Variants in MAST2 observed in about 807,000 individuals in gnomAD.
MAST2 encodes the protein microtubule associated serine/threonine kinase 2, also known as microtubule-associated serine/threonine-protein kinase 2.
Under a neutral mutation model 147.4 loss-of-function variants are expected in MAST2, and 70 were observed. That is an observed-to-expected ratio of 0.47 (90% CI 0.39 to 0.58). MAST2 has a LOEUF of 0.58. Among genes scored for constraint, MAST2 ranks in the 20% least tolerant of loss-of-function variants. MAST2 has a pLI of 0.00. For missense variants in MAST2, 2,080 were observed against 2,302.3 expected, an observed-to-expected ratio of 0.90 and a Z score of 1.98; for synonymous variants, 869 against 896.8, an observed-to-expected ratio of 0.97 and a Z score of 0.55.
chr1:45,914,995 C>T (rs1313606475), intron 4 of MAST2, among the ~76,000 whole-genome samples: 1 of 152,182 alleles, frequency 6.6e-6, no homozygotes, highest in Non-Finnish European at 1.5e-5. Flanking sequence ...GGCGGGAGGG[C>T]AGTGGTGCTA....
chr1:45,859,181 G>A lies in MAST2; in HGVS notation c.469-23183G>A, dbSNP rs527820720. On this transcript the variant is annotated intron_variant, in intron 3 of 28. Transcript: ENST00000361297. The stretch of plus-strand genomic sequence containing the variant: ...GGTATCTCGGCTCACTGCAACCTCC[G>A]CCTCCTGGGTTCAAGTGATTCAGCT... Among the ~76,000 whole-genome samples the A allele has an allele frequency of 9.9e-5, 15 of 152,168 alleles. No individual in the cohort carries two copies. In the South Asian group the frequency reaches 2.3e-3, roughly 23 times the overall value.
At chr1:45,957,995 G>A (rs1366497705) in intron 4 of MAST2, among the ~76,000 whole-genome samples, 1 of 152,116 alleles carries the variant, frequency 6.6e-6, no homozygotes, top group African/African-American at 2.4e-5. Context: ...AGAAATTGGG[G>A]ATATAGGCAG....
Position 46,023,501 on chromosome 1 carries a change from C to G in MAST2, c.1571+183C>G. The G allele has an allele frequency of 3.1e-6, 2 of 640,182 alleles. No homozygotes were observed. The highest frequency in any genetic ancestry group is 3.8e-5 in the South Asian group (2 of 52,102). 39.7% of individuals were successfully genotyped at this position (640,182 alleles called of 1,614,324 possible). On this transcript the variant is annotated intron_variant, in intron 14 of 28. Coordinates refer to ENST00000361297, the MANE Select transcript of MAST2 (RefSeq NM_015112.3). The surrounding 1 kb of genome is among the most constrained non-coding windows in gnomAD (Gnocchi z 4.9). ...TCTGACATCCGATCATTGTTCCTTT[C>G]CCAGACAAGATTCCCACGCCTCTTA...
rs767237271 is a variant in MAST2, at chr1:46,035,884, C to T, written c.5215C>T (p.Pro1739Ser). 6.2e-7 allele frequency: 1 copy of T among 1,614,084 alleles called. No individual in the cohort carries two copies. ...GTGTGCACAAGCAGTGAAAGAGGAT[C>T]CAGCCCTGAGCATCACCCAAGTGCC... ...SECAQAVKED[P>S]ALSITQVPDA... Residue 1739 changes from proline to serine, a missense_variant, in exon 29 of 29, where the codon CCA (proline) becomes TCA (serine). By Grantham distance (74) the Pro-to-Ser change is moderately conservative. Coordinates refer to ENST00000361297, the MANE Select transcript of MAST2 (RefSeq NM_015112.3). The surrounding 1 kb of genome is among the most constrained non-coding windows in gnomAD (Gnocchi z 5.5).
At chr1:45,833,831 T>C (rs1236512992) in intron 3 of MAST2, among the ~76,000 whole-genome samples, 1 of 152,090 alleles carries the variant, frequency 6.6e-6, no homozygotes, top group Non-Finnish European at 1.5e-5. Context: ...TCCAATTTCT[T>C]CTCTTTCCCA....
chr1:45,855,991 G>A (rs920141323), intron 3 of MAST2, among the ~76,000 whole-genome samples: 3 of 152,168 alleles, frequency 2.0e-5, no homozygotes, highest in Non-Finnish European at 2.9e-5. Context: ...GGCTTCAGAA[G>A]TTTAACTTGG....
chr1:45,907,325 T>G (rs1325923454), intron 4 of MAST2, among the ~76,000 whole-genome samples: 1 of 152,218 alleles, frequency 6.6e-6, no homozygotes, highest in Non-Finnish European at 1.5e-5. Flanking sequence ...CCCAAGATCA[T>G]GAAGATTTTC....
intron 1 of MAST2, among the ~76,000 whole-genome samples, chr1:45,805,256 G>A (rs190668467): frequency 3.3e-5 from 5 of 152,218 alleles, no homozygotes; most frequent in Admixed American, 3.3e-4. Flanking sequence ...TCACCATGTT[G>A]GCCAGGCTGG....
At position 45,803,790 on chromosome 1, in the gene MAST2, G is replaced by C. The variant is rs1327327527; in HGVS notation, c.-106G>C. On this transcript the variant is annotated 5_prime_UTR_variant, in exon 1 of 29. Transcript: ENST00000361297. ...GGTCGGTGGCTTAGGGAGCCCGTCCGGCCATGGTGGCCGCGGGTGGTGGTT... is the reference window on the plus strand; with the variant it reads ...GGTCGGTGGCTTAGGGAGCCCGTCCCGCCATGGTGGCCGCGGGTGGTGGTT... 2.2e-5 allele frequency: 8 copies of C among 360,584 alleles called. No homozygotes were observed. In the East Asian group the frequency reaches 3.3e-4, roughly 15 times the overall value. 22.3% of individuals were successfully genotyped at this position (360,584 alleles called of 1,614,324 possible).
intron 5 of MAST2, among the ~76,000 whole-genome samples, chr1:45,972,462 G>C (rs1437818231): frequency 6.6e-6 from 1 of 152,234 alleles, no homozygotes; most frequent in Non-Finnish European, 1.5e-5. Flanking sequence ...TTCCTTATGA[G>C]GGAAAGTTTT....
chr1:45,820,803 GA>G (rs1644598084), intron 1 of MAST2, among the ~76,000 whole-genome samples: 1 of 136,734 alleles, frequency 7.3e-6, no homozygotes, highest in South Asian at 2.5e-4. Flanking sequence ...ATTTGATGTA[GA>G]ACATATGTAG....
chr1:46,027,828 A>T lies in MAST2; in HGVS notation c.2017A>T (p.Ile673Phe). 1 of 1,614,178 alleles carries T rather than the reference A, an allele frequency of 6.2e-7. No individual in the cohort carries two copies. The highest frequency in any genetic ancestry group is 1.3e-5 in the African/African-American group (1 of 75,066). Reference sequence around the variant, plus strand: ...GACAACGAACTTGTATGAGGGTCATATTGAAAAGGATGCCCGGGAATTCCT... The same window carrying T: ...GACAACGAACTTGTATGAGGGTCATTTTGAAAAGGATGCCCGGGAATTCCT... ...SLTTNLYEGHIEKDAREFLDK... is the reference protein window; with the variant it reads ...SLTTNLYEGHFEKDAREFLDK... The change falls in exon 17 of 29, where the codon ATT becomes TTT. Residue 673 changes from isoleucine (I) to phenylalanine (F), a missense_variant. Coordinates refer to ENST00000361297, the MANE Select transcript of MAST2 (RefSeq NM_015112.3).
chr1:45,939,279 T>A (rs1015438097), intron 4 of MAST2, among the ~76,000 whole-genome samples: 1 of 152,220 alleles, frequency 6.6e-6, no homozygotes, highest in Non-Finnish European at 1.5e-5. Context: ...CCTTCTACTA[T>A]TGAATCCTCT....
At chr1:45,812,747 G>A (rs963166559) in intron 1 of MAST2, among the ~76,000 whole-genome samples, 18 of 152,206 alleles carry the variant, frequency 1.2e-4, no homozygotes, top group African/African-American at 2.4e-4. Flanking sequence ...TTAATAGTCC[G>A]TGTAACATTT....
chr1:45,949,882 G>A (rs549844106), intron 4 of MAST2, among the ~76,000 whole-genome samples: 7 of 152,210 alleles, frequency 4.6e-5, no homozygotes, highest in Non-Finnish European at 1.0e-4. Context: ...GGAATGTTAT[G>A]CAGCCATAAA....
At chr1:45,910,333 T>G (rs578107247) in intron 4 of MAST2, among the ~76,000 whole-genome samples, 46 of 152,178 alleles carry the variant, frequency 3.0e-4, no homozygotes, top group African/African-American at 9.4e-4. Context: ...AAAATGGAAG[T>G]TTTTTATTCT....
intron 3 of MAST2, chr1:45,847,003 C>A: frequency 3.2e-6 from 1 of 311,580 alleles, no homozygotes; most frequent in Non-Finnish European, 6.6e-6. Context: ...TAGGCTAATC[C>A]AGTCATTTCC....
At chr1:46,019,565 A>G (rs766516868) in intron 10 of MAST2, 31 bp from the exon 11 acceptor site, 2 of 1,587,156 alleles carry the variant, frequency 1.3e-6, no homozygotes, top group Non-Finnish European at 1.7e-6. Flanking sequence ...CACTGGGCCA[A>G]TAGATTAAGC....
intron 3 of MAST2, among the ~76,000 whole-genome samples, chr1:45,840,617 C>T (rs928732252): frequency 2.0e-5 from 3 of 152,170 alleles, no homozygotes; most frequent in Admixed American, 2.0e-4. Context: ...TAGCATAGTG[C>T]CAGATTTATA....
Sources: gnomAD v4.1 joint callset for allele counts (sites outside exome capture counted in the v4.1 genomes callset) on GRCh38, gnomAD v4.1.1 for gene constraint, Gnocchi (gnomAD v3.1) non-coding constraint, MANE v1.5 for transcripts, NCBI Gene and HGNC (gene_info 2026-07-23, HGNC 2026-07-21) for gene names.